Variants in NLRC3 observed in about 807,000 individuals in gnomAD.
NLRC3 encodes the protein NLR family CARD domain containing 3, also known as NLR family CARD domain-containing protein 3.
Under a neutral mutation model 91.6 loss-of-function variants are expected in NLRC3, and 87 were observed. The ratio of observed to expected loss-of-function variants is 0.95; its 90% CI spans 0.80 to 1.14. The LOEUF is 1.14. Ranked by LOEUF, NLRC3 falls within the 50% of genes most tolerant of loss-of-function variation. The pLI, the probability that NLRC3 is intolerant of heterozygous loss-of-function variation, is 0.00. For missense variants in NLRC3, 1,577 were observed against 1,418.6 expected (o/e 1.11, Z -1.79); for synonymous variants, 694 against 625.3 (o/e 1.11, Z -1.64).
rs1034514716 is a variant in NLRC3, at chr16:3,567,322, G to A, written c.-166C>T. 6.6e-6 allele frequency: 1 copy of A among 152,240 alleles called. No individual in the cohort carries two copies. The highest frequency in any genetic ancestry group is 2.4e-5 in the African/African-American group (1 of 41,452). The allele number at this position is 152,240 out of a possible 1,614,324, so 9.4% of individuals were successfully genotyped here. A position where few individuals can be genotyped will look rare whatever the true frequency, so the allele number is the denominator to read the frequency against. On this transcript the variant is annotated splice_region_variant and 5_prime_UTR_variant, in exon 2 of 20. Transcript: ENST00000359128. ...GGGGCTCAGCCTTCCGTTGTCCACA[G>A]TTCTAGGAGAAAAAACACAATGTGG...
chr16:3,542,314 G>C (rs1010481527), intron 18 of NLRC3, 40 bp from the exon 19 acceptor site: 3 of 1,316,006 alleles, frequency 2.3e-6, no homozygotes, highest in Non-Finnish European at 3.2e-6. Flanking sequence ...TGAGCCATCA[G>C]GGCAGAAGGA....
rs114331307 is a variant in NLRC3 at position 3,548,089 on chromosome 16, G to A, written c.2771+46C>T. The A allele has an allele frequency of 1.0e-3, 1,337 of 1,338,614 alleles. 13 individuals carry two copies. In the African/African-American group the frequency reaches 0.017, roughly 17 times the overall value. 82.9% of individuals were successfully genotyped at this position (1,338,614 alleles called of 1,614,324 possible). On this transcript the variant is annotated intron_variant, in intron 15 of 19. Coordinates refer to ENST00000359128, the MANE Select transcript of NLRC3 (RefSeq NM_178844.4). ...GGGTACCAGGTTTTCAGATTCCCCT[G>A]TCCTCAACAGCCCCCGCCCTGCAGC...
intron 1 of NLRC3, among the ~76,000 whole-genome samples, chr16:3,569,527 T>C (rs536138593): frequency 6.7e-6 from 1 of 148,720 alleles, no homozygotes. Context: ...GCCTCCCCAG[T>C]AGCTGGGATT....
In NLRC3 at chr16:3,542,677, C is replaced by A; in HGVS notation, c.3023+15G>T. On this transcript the variant is annotated intron_variant, in intron 18 of 19. Coordinates refer to ENST00000359128, the MANE Select transcript of NLRC3 (RefSeq NM_178844.4). ...TGCTGCTCCAGGATGCAGGTAGGTC[C>A]CTCCAGCCACTTACTTGAGTCTCCG... 6.4e-7 allele frequency: 1 copy of A among 1,571,034 alleles called. No homozygotes were observed. Among genetic ancestry groups the A allele is most frequent in the East Asian group, 2.2e-5 (1 of 44,550 alleles).
Position 3,542,700 on chromosome 16 carries a change from C to T in NLRC3, c.3015G>A (p.Arg1005=). 1 of 1,608,214 alleles carries T rather than the reference C, an allele frequency of 6.2e-7. No individual in the cohort carries two copies. Among genetic ancestry groups the T allele is most frequent in the Non-Finnish European group, 8.5e-7 (1 of 1,176,440 alleles). The change falls in exon 18 of 20, where the codon CGG becomes CGA. Residue 1005 remains arginine, a synonymous_variant. Coordinates refer to ENST00000359128, the MANE Select transcript of NLRC3 (RefSeq NM_178844.4). ...TCCCTCCAGCCACTTACTTGAGTCT[C>T]CGGAGACTTGAGTTTACCTTCAGAG... ...ANALKVNSSL[R]RLNLQENSLG...
intron 14 of NLRC3, 63 bp from the exon 15 acceptor site, chr16:3,548,281 C>T: frequency 7.6e-7 from 1 of 1,311,274 alleles, no homozygotes; most frequent in Non-Finnish European, 1.1e-6. Context: ...GGGGCAGAGC[C>T]AAGGAGGCTC....
chr16:3,547,670 G>GTA (rs199814941), intron 15 of NLRC3, among the ~76,000 whole-genome samples: 10 of 151,394 alleles, frequency 6.6e-5, no homozygotes, highest in Admixed American at 2.0e-4. Context: ...ATATATGTGT[G>GTA]TATATATATA....
chr16:3,543,098 T>C (rs1351821851), intron 17 of NLRC3: 1 of 486,846 alleles, frequency 2.1e-6, no homozygotes, highest in East Asian at 3.7e-5. Context: ...AGGGCAGGAA[T>C]TCTGAGGACA....
Position 3,543,464 on chromosome 16 carries a change from C to T in NLRC3, c.2900G>A (p.Gly967Glu). The change falls in exon 17 of 20, where the codon GGG becomes GAG. Residue 967 changes from glycine to glutamate, a missense_variant. Gly to Glu is a moderately conservative substitution (Grantham distance 98). Transcript: ENST00000359128. ...SIGASGAQVL[G>E]EALAVNRTLE... ...GGTTCTGTTCACAGCCAAGGCTTCCCCTAGCACCTGGGCGCCTGAAGCACC... is the reference window on the plus strand; with the variant it reads ...GGTTCTGTTCACAGCCAAGGCTTCCTCTAGCACCTGGGCGCCTGAAGCACC... 1 of 1,613,318 alleles carries T rather than the reference C, an allele frequency of 6.2e-7. No individual in the cohort carries two copies. Among genetic ancestry groups the T allele is most frequent in the Non-Finnish European group, 8.5e-7 (1 of 1,179,638 alleles).
intron 5 of NLRC3, among the ~76,000 whole-genome samples, chr16:3,562,430 C>T (rs1836534279): frequency 6.6e-6 from 1 of 152,068 alleles, no homozygotes; most frequent in African/African-American, 2.4e-5. Context: ...CACCTGAGGT[C>T]AGGAGTTTGA....
intron 1 of NLRC3, among the ~76,000 whole-genome samples, chr16:3,571,630 T>C (rs889039371): frequency 2.6e-5 from 4 of 151,412 alleles, no homozygotes; most frequent in Non-Finnish European, 5.9e-5. Context: ...TAATTAAATA[T>C]TTAGTTTGAT....
chr16:3,562,610 C>T (rs568179919), intron 5 of NLRC3, among the ~76,000 whole-genome samples: 20 of 152,210 alleles, frequency 1.3e-4, no homozygotes, highest in African/African-American at 4.3e-4. Context: ...CACTGTATTC[C>T]AGCCTGGGCG....
chr16:3,552,083 A>G lies in NLRC3; in HGVS notation c.2351+113T>C, dbSNP rs1596455099. 5.7e-6 allele frequency: 4 copies of G among 703,214 alleles called. No individual in the cohort carries two copies. In the East Asian group the frequency reaches 1.1e-4, roughly 19 times the overall value. The allele number at this position is 703,214 out of a possible 1,614,324, so 43.6% of individuals were successfully genotyped here. A position where few individuals can be genotyped will look rare whatever the true frequency, so the allele number is the denominator to read the frequency against. ...CATCCATCCACCCACCCATCCATCC[A>G]TTCACCTATCCATCAATCCATCCAT... On this transcript the variant is annotated intron_variant, in intron 10 of 19. Transcript: ENST00000359128.
In NLRC3 at chr16:3,550,396, C is replaced by T; in HGVS notation, c.2435+18G>A. The stretch of plus-strand genomic sequence containing the variant: ...AAGAGAACCCAGGGGGAATCGTCAC[C>T]CTGGCAGGTGGACTCACTCCAGGCT... On this transcript the variant is annotated intron_variant, in intron 11 of 19. Coordinates refer to ENST00000359128, the MANE Select transcript of NLRC3 (RefSeq NM_178844.4). 6.4e-7 allele frequency: 1 copy of T among 1,574,612 alleles called. No individual in the cohort carries two copies. Among genetic ancestry groups the T allele is most frequent in the Non-Finnish European group, 8.7e-7 (1 of 1,144,300 alleles).
At chr16:3,566,825 A>T (rs1194477846) in intron 2 of NLRC3, among the ~76,000 whole-genome samples, 1 of 152,202 alleles carries the variant, frequency 6.6e-6, no homozygotes, top group Non-Finnish European at 1.5e-5. Flanking sequence ...TGGAAGGTAG[A>T]GGCTGCAATG....
In NLRC3 at chr16:3,564,910, G is replaced by T. The variant is rs989541881; in HGVS notation, c.127C>A (p.Pro43Thr). ...AGKGSQGSQA[P>T]QALDRTPDAP... ...TCCGGTGTCCTATCCAGGGCCTGCG[G>T]GGCCTGGGAGCCTTGACTGCCCTTC... The change falls in exon 4 of 20, where the codon CCG (proline) becomes ACG (threonine). Residue 43 changes from proline (P) to threonine (T), a missense_variant. Transcript: ENST00000359128. This position sits in a 1 kb window ranked among gnomAD's most constrained non-coding sequence, Gnocchi z 5.9. 3.0e-5 allele frequency: 48 copies of T among 1,609,918 alleles called. No individual in the cohort carries two copies. Among genetic ancestry groups the T allele is most frequent in the Non-Finnish European group, 3.8e-5 (45 of 1,179,576 alleles).
chr16:3,539,077 A>T lies in NLRC3; in HGVS notation c.*2748T>A, dbSNP rs1459645860. On this transcript the variant is annotated 3_prime_UTR_variant, in exon 20 of 20. Transcript: ENST00000359128. ...TTATTGGTAGTAGTTATCAAGAACA[A>T]AGTCCTCGGACTTCTGATGGGAAAT... The T allele has an allele frequency of 1.3e-5, 2 of 152,234 alleles. No homozygotes were observed. The highest frequency in any genetic ancestry group is 2.9e-5 in the Non-Finnish European group (2 of 68,040). 9.4% of individuals were successfully genotyped at this position (152,234 alleles called of 1,614,324 possible).
chr16:3,541,720 G>C lies in NLRC3; in HGVS notation c.*105C>G. The C allele has an allele frequency of 1.3e-6, 1 of 756,414 alleles. No homozygotes were observed. Among genetic ancestry groups the C allele is most frequent in the Non-Finnish European group, 2.3e-6 (1 of 438,574 alleles). 46.9% of individuals were successfully genotyped at this position (756,414 alleles called of 1,614,324 possible). A position where few individuals can be genotyped will look rare whatever the true frequency, so the allele number is the denominator to read the frequency against. The stretch of plus-strand genomic sequence containing the variant: ...CTGCAGAGCCCGGCTCTCGTGCTGA[G>C]CAAGCAGCGTTCCCAGCTCCCAGAC... On this transcript the variant is annotated 3_prime_UTR_variant, in exon 20 of 20. Transcript: ENST00000359128.
At chr16:3,570,352 C>T (rs1300046244) in intron 1 of NLRC3, among the ~76,000 whole-genome samples, 1 of 152,158 alleles carries the variant, frequency 6.6e-6, no homozygotes, top group Non-Finnish European at 1.5e-5. Context: ...TGATTTATTT[C>T]TCTTCATTTA....
Sources: gnomAD v4.1 joint callset for allele counts (sites outside exome capture counted in the v4.1 genomes callset) on GRCh38, gnomAD v4.1.1 for gene constraint, Gnocchi (gnomAD v3.1) non-coding constraint, MANE v1.5 for transcripts, NCBI Gene and HGNC (gene_info 2026-07-23, HGNC 2026-07-21) for gene names.